Variants in DMAP1 observed in about 807,000 individuals in gnomAD.
DMAP1 encodes the protein DNA methyltransferase 1 associated protein 1, also known as DNA methyltransferase 1-associated protein 1.
Under a neutral mutation model 52.7 loss-of-function variants are expected in DMAP1, and 26 were observed. That is an observed-to-expected ratio of 0.49 (90% CI 0.36 to 0.68). DMAP1 has a LOEUF of 0.68. DMAP1 is among the 30% of genes least tolerant of loss of function. The probability of loss-of-function intolerance (pLI) is 0.00; values close to 1 mark genes in which losing one functional copy is unlikely to be tolerated. For synonymous variants in DMAP1, 231 were observed against 246.0 expected (o/e 0.94, Z 0.57); for missense variants, 439 against 625.2 (o/e 0.70, Z 3.18).
chr1:44,213,770 A>T lies in DMAP1; in HGVS notation c.17A>T (p.Asp6Val). The change falls in exon 1 of 10, where the codon GAT (aspartate) becomes GTT (valine). Residue 6 changes from aspartate (D) to valine (V), a missense_variant. Coordinates refer to ENST00000372289, the MANE Select transcript of DMAP1 (RefSeq NM_019100.5). This position sits in a 1 kb window ranked among gnomAD's most constrained non-coding sequence, Gnocchi z 4.5. Reference sequence around the variant, plus strand: ...TCAGGCGCGATGGCTACGGGCGCGGATGTACGGGACATTCTAGAACTCGGG... The same window carrying T: ...TCAGGCGCGATGGCTACGGGCGCGGTTGTACGGGACATTCTAGAACTCGGG... MATGADVRDILELGGP... is the reference protein window; with the variant it reads MATGAVVRDILELGGP... The T allele has an allele frequency of 2.5e-6, 4 of 1,585,564 alleles. No homozygotes were observed. Among genetic ancestry groups the T allele is most frequent in the Non-Finnish European group, 3.4e-6 (4 of 1,166,450 alleles).
chr1:44,218,322 G>T lies in DMAP1; in HGVS notation c.405G>T (p.Val135=). The T allele has an allele frequency of 6.2e-7, 1 of 1,614,254 alleles. No individual in the cohort carries two copies. Among genetic ancestry groups the T allele is most frequent in the African/African-American group, 1.3e-5 (1 of 75,072 alleles). The change falls in exon 4 of 10, where the codon GTG becomes GTT. Residue 135 remains valine, a synonymous_variant. Transcript: ENST00000372289. This position sits in a 1 kb window ranked among gnomAD's most constrained non-coding sequence, Gnocchi z 5.6. ...CTCTGTGCTAGTAGACTGTGCAGGT[G>T]CCTGTGTACTCGGAGCAGGAGTACC... is the stretch of plus-strand genomic sequence containing the variant. ...PFARFNKTVQ[V]PVYSEQEYQL... is the part of the protein sequence containing the mutation.
At position 44,218,156 on chromosome 1, in the gene DMAP1, A is replaced by C. The variant is rs1406920329; in HGVS notation, c.394-155A>C. ...AGTCCCAAACCCTGCTAGGACCTCT[A>C]GTCAAGCAGACAAGTTCTTTCCTCA... On this transcript the variant is annotated intron_variant, in intron 3 of 9. Coordinates refer to ENST00000372289, the MANE Select transcript of DMAP1 (RefSeq NM_019100.5). This position sits in a 1 kb window ranked among gnomAD's most constrained non-coding sequence, Gnocchi z 5.6. The C allele has an allele frequency of 4.1e-6, 4 of 976,296 alleles. No homozygotes were observed. Among genetic ancestry groups the C allele is most frequent in the Non-Finnish European group, 6.6e-6 (4 of 609,686 alleles). The allele number at this position is 976,296 out of a possible 1,614,324, so 60.5% of individuals were successfully genotyped here. A position where few individuals can be genotyped will look rare whatever the true frequency, so the allele number is the denominator to read the frequency against.
chr1:44,219,763 T>C (rs1263100432), intron 7 of DMAP1, 43 bp from the exon 8 acceptor site: 5 of 1,611,072 alleles, frequency 3.1e-6, no homozygotes. Flanking sequence ...ATCCTAAGCC[T>C]CTTGTGGCTG....
In DMAP1 at chr1:44,218,119, G is replaced by C; in HGVS notation, c.394-192G>C. The C allele has an allele frequency of 4.2e-6, 3 of 707,846 alleles. No individual in the cohort carries two copies. The highest frequency in any genetic ancestry group is 7.5e-6 in the Non-Finnish European group (3 of 399,334). The allele number at this position is 707,846 out of a possible 1,614,324, so 43.8% of individuals were successfully genotyped here. ...GTGAAGTTGATCCTGGAATAAATCAGAGGCAGGCTACAGTCCCAAACCCTG... is the reference window on the plus strand; with the variant it reads ...GTGAAGTTGATCCTGGAATAAATCACAGGCAGGCTACAGTCCCAAACCCTG... On this transcript the variant is annotated intron_variant, in intron 3 of 9. Coordinates refer to ENST00000372289, the MANE Select transcript of DMAP1 (RefSeq NM_019100.5). This position sits in a 1 kb window ranked among gnomAD's most constrained non-coding sequence, Gnocchi z 5.6.
chr1:44,214,247 C>T, intron 1 of DMAP1, 103 bp from the exon 2 acceptor site: 1 of 1,094,226 alleles, frequency 9.1e-7, no homozygotes, highest in Non-Finnish European at 1.4e-6. Flanking sequence ...GTTTGCCTGT[C>T]ATTGACCCTG....
Position 44,218,226 on chromosome 1 carries a change from G to A in DMAP1, c.394-85G>A. The A allele has an allele frequency of 1.3e-6, 2 of 1,581,584 alleles. No individual in the cohort carries two copies. The highest frequency in any genetic ancestry group is 1.7e-6 in the Non-Finnish European group (2 of 1,150,800). ...AGGCCCAGGGTCTGGCAACAAACAG[G>A]AGCAGCTGTGGTCACTGGGGCCTGG... On this transcript the variant is annotated intron_variant, in intron 3 of 9. Coordinates refer to ENST00000372289, the MANE Select transcript of DMAP1 (RefSeq NM_019100.5). The surrounding 1 kb of genome is among the most constrained non-coding windows in gnomAD (Gnocchi z 5.6).
intron 3 of DMAP1, chr1:44,215,102 G>A (rs949567047): frequency 1.4e-6 from 1 of 702,904 alleles, no homozygotes; most frequent in African/African-American, 1.7e-5. Flanking sequence ...TCCCGGACCT[G>A]CTCTGGTTTT....
In DMAP1 at chr1:44,214,731, A is replaced by T. The variant is rs1186899466; in HGVS notation, c.226A>T (p.Thr76Ser). 1.9e-6 allele frequency: 3 copies of T among 1,612,250 alleles called. No individual in the cohort carries two copies. The South Asian group carries it at 3.3e-5, about 18-fold the overall frequency. Residue 76 changes from threonine (T) to serine (S), a missense_variant, in exon 3 of 10, where the codon ACT (threonine) becomes TCT (serine). Physicochemically the swap from Thr to Ser is moderately conservative, Grantham distance 58 (BLOSUM62 1). Around this residue, in one of 3 missense-constraint regions of DMAP1, gnomAD observed 118 missense variants for 189.8 expected, o/e 0.62. Coordinates refer to ENST00000372289, the MANE Select transcript of DMAP1 (RefSeq NM_019100.5). ...TGCACCCCCACTGCTACCCAGTGAC[A>T]CTGGCCAGGGATACCGTACAGTGAA... ...KDAPPLLPSDTGQGYRTVKAK... is the reference protein window; with the variant it reads ...KDAPPLLPSDSGQGYRTVKAK...
chr1:44,218,139 ACC>A lies in DMAP1; in HGVS notation c.394-170_394-169del, dbSNP rs1210563786. ...AATCAGAGGCAGGCTACAGTCCCAA[ACC>A]CTGCTAGGACCTCTAGTCAAGCAGA... On this transcript the variant is annotated intron_variant, in intron 3 of 9. Transcript: ENST00000372289. The surrounding 1 kb of genome is among the most constrained non-coding windows in gnomAD (Gnocchi z 5.6). The A allele has an allele frequency of 4.7e-6, 4 of 851,082 alleles. No individual in the cohort carries two copies. The highest frequency in any genetic ancestry group is 7.9e-6 in the Non-Finnish European group (4 of 508,362). The allele number at this position is 851,082 out of a possible 1,614,324, so 52.7% of individuals were successfully genotyped here. A position where few individuals can be genotyped will look rare whatever the true frequency, so the allele number is the denominator to read the frequency against.
At position 44,214,598 on chromosome 1, in the gene DMAP1, A is replaced by G. The variant is rs750875869; in HGVS notation, c.198-105A>G. On this transcript the variant is annotated intron_variant, in intron 2 of 9. Coordinates refer to ENST00000372289, the MANE Select transcript of DMAP1 (RefSeq NM_019100.5). Reference sequence around the variant, plus strand: ...GACCTGAAGTCTTTTGCTCCAGGACATGACTTTCTTGCTATAGGGTAGGGT... The same window carrying G: ...GACCTGAAGTCTTTTGCTCCAGGACGTGACTTTCTTGCTATAGGGTAGGGT... 3.8e-4 allele frequency: 616 copies of G among 1,612,952 alleles called. 2 individuals are homozygous for G. Among genetic ancestry groups the G allele is most frequent in the South Asian group, 1.1e-3 (98 of 90,556 alleles).
At position 44,218,620 on chromosome 1, in the gene DMAP1, C is replaced by T. The variant is rs1643841904; in HGVS notation, c.585C>T (p.Tyr195=). Residue 195 remains tyrosine, a synonymous_variant, in exon 5 of 10, where the codon TAC becomes TAT. Transcript: ENST00000372289. The surrounding 1 kb of genome is among the most constrained non-coding windows in gnomAD (Gnocchi z 5.6). ...CTGTGGAAGACCTGAAGGAGCGGTA[C>T]TACCACATCTGTGCTAAGCTTGCCA... is the stretch of plus-strand genomic sequence containing the variant. ...KRSVEDLKER[Y]YHICAKLANV... The T allele has an allele frequency of 1.2e-6, 2 of 1,613,094 alleles. No individual in the cohort carries two copies. The highest frequency in any genetic ancestry group is 2.2e-5 in the East Asian group (1 of 44,826).
At chr1:44,217,180 A>G (rs916680415) in intron 3 of DMAP1, 1 of 152,224 alleles carries the variant, frequency 6.6e-6, no homozygotes, top group Non-Finnish European at 1.5e-5. Flanking sequence ...TTGTTACGTA[A>G]GTTTTTCAGT....
Position 44,219,256 on chromosome 1 carries a change from C to T in DMAP1, c.906+15C>T. ...CTGAGAAGCCGGTGCGGAGGTTCCG[C>T]CAGCCTAGCTCAGGGTGGAAGGGTC... On this transcript the variant is annotated intron_variant, in intron 6 of 9. Coordinates refer to ENST00000372289, the MANE Select transcript of DMAP1 (RefSeq NM_019100.5). The T allele has an allele frequency of 6.2e-7, 1 of 1,610,306 alleles. No homozygotes were observed. The highest frequency in any genetic ancestry group is 8.5e-7 in the Non-Finnish European group (1 of 1,178,588).
rs1643832581 is a variant in DMAP1, at chr1:44,218,200, C to T, written c.394-111C>T. 6.9e-7 allele frequency: 1 copy of T among 1,450,010 alleles called. No homozygotes were observed. The highest frequency in any genetic ancestry group is 9.7e-7 in the Non-Finnish European group (1 of 1,031,822). 89.8% of individuals were successfully genotyped at this position (1,450,010 alleles called of 1,614,324 possible). On this transcript the variant is annotated intron_variant, in intron 3 of 9. Coordinates refer to ENST00000372289, the MANE Select transcript of DMAP1 (RefSeq NM_019100.5). The surrounding 1 kb of genome is among the most constrained non-coding windows in gnomAD (Gnocchi z 5.6). ...TTCCTCACTCCATGCTGCAGGGGCACAGGCCCAGGGTCTGGCAACAAACAG... is the reference window on the plus strand; with the variant it reads ...TTCCTCACTCCATGCTGCAGGGGCATAGGCCCAGGGTCTGGCAACAAACAG...
chr1:44,215,479 T>A, intron 3 of DMAP1: 1 of 348,170 alleles, frequency 2.9e-6, no homozygotes, highest in Non-Finnish European at 5.8e-6. Context: ...AGTATTTAAA[T>A]CAACAACAGA....
chr1:44,220,568 CG>C lies in DMAP1; in HGVS notation c.1357del (p.Glu453SerfsTer9). On this transcript the variant is annotated frameshift_variant, in exon 10 of 10. Transcript: ENST00000372289. LOFTEE classifies it high-confidence loss of function. ...TTCTGTGTATCCTCAGAGAAAGCGA[CG>C]GGAGTCGGCCTCCAGCTCATCTTCC... is the stretch of plus-strand genomic sequence containing the variant. ...APLTPNSRKR[R>X]ESASSSSSVK... 3 of 1,614,188 alleles carry C rather than the reference CG, an allele frequency of 1.9e-6. No individual in the cohort carries two copies. The highest frequency in any genetic ancestry group is 2.5e-6 in the Non-Finnish European group (3 of 1,180,028).
In DMAP1 at chr1:44,213,598, A is replaced by T. The variant is rs1232094668; in HGVS notation, c.-156A>T. On this transcript the variant is annotated 5_prime_UTR_variant, in exon 1 of 10. Transcript: ENST00000372289. This position sits in a 1 kb window ranked among gnomAD's most constrained non-coding sequence, Gnocchi z 4.5. ...CATCCAAGCGGTGGGGCACAGGCAG[A>T]TCCCCGACCTGACCTGGACCACCCT... The T allele has an allele frequency of 1.6e-6, 1 of 630,446 alleles. No individual in the cohort carries two copies. The highest frequency in any genetic ancestry group is 2.8e-6 in the Non-Finnish European group (1 of 360,932). 39.1% of individuals were successfully genotyped at this position (630,446 alleles called of 1,614,324 possible). A position where few individuals can be genotyped will look rare whatever the true frequency, so the allele number is the denominator to read the frequency against.
In DMAP1 at chr1:44,218,109, G is replaced by C; in HGVS notation, c.394-202G>C. ...GCTGGAGACAGTGAAGTTGATCCTGGAATAAATCAGAGGCAGGCTACAGTC... is the reference window on the plus strand; with the variant it reads ...GCTGGAGACAGTGAAGTTGATCCTGCAATAAATCAGAGGCAGGCTACAGTC... On this transcript the variant is annotated intron_variant, in intron 3 of 9. Transcript: ENST00000372289. This position sits in a 1 kb window ranked among gnomAD's most constrained non-coding sequence, Gnocchi z 5.6. 1 of 677,714 alleles carries C rather than the reference G, an allele frequency of 1.5e-6. No individual in the cohort carries two copies. The highest frequency in any genetic ancestry group is 2.6e-6 in the Non-Finnish European group (1 of 378,626). The allele number at this position is 677,714 out of a possible 1,614,324, so 42.0% of individuals were successfully genotyped here.
chr1:44,219,959 A>C, intron 8 of DMAP1, 58 bp from the exon 9 acceptor site: 1 of 1,607,460 alleles, frequency 6.2e-7, no homozygotes, highest in South Asian at 1.1e-5. Context: ...GGGAGTTCAC[A>C]TTGCTGGCCC....
Sources: gnomAD v4.1 joint callset for allele counts on GRCh38, gnomAD v4.1.1 for gene constraint, gnomAD v4.1.1 regional missense constraint, Gnocchi (gnomAD v3.1) non-coding constraint, MANE v1.5 for transcripts, NCBI Gene and HGNC (gene_info 2026-07-23, HGNC 2026-07-21) for gene names.